PPA2: variants seen among roughly 807,000 people sequenced by gnomAD.
PPA2 encodes the protein inorganic pyrophosphatase 2, mitochondrial.
A neutral mutation model predicts 49.5 loss-of-function variants in PPA2; 48 were observed. The ratio of observed to expected loss-of-function variants is 0.97; its 90% confidence interval spans 0.77 to 1.23. The LOEUF (loss-of-function observed/expected upper bound fraction) is 1.23, where lower values mean the gene tolerates loss of function less well. Ranked by LOEUF, PPA2 falls within the 50% of genes most tolerant of loss-of-function variation. The pLI, the probability that PPA2 is intolerant of heterozygous loss-of-function variation, is 0.00. For missense variants in PPA2, 429 were observed against 410.1 expected, an observed-to-expected ratio of 1.05 and a Z score of -0.40; for synonymous variants, 131 against 139.9, an observed-to-expected ratio of 0.94 and a Z score of 0.45.
intron 5 of PPA2, among the ~76,000 whole-genome samples, chr4:105,444,320 T>G (rs911026929): frequency 2.6e-5 from 4 of 152,102 alleles, no homozygotes; most frequent in African/African-American, 9.7e-5. Context: ...CAGGGTTGAG[T>G]AGCAATGTTA....
intron 7 of PPA2, among the ~76,000 whole-genome samples, chr4:105,416,440 G>A (rs1261826989): frequency 6.6e-6 from 1 of 152,230 alleles, no homozygotes; most frequent in East Asian, 1.9e-4. Flanking sequence ...AAATGAAAAA[G>A]GAGTTTCCAC....
intron 7 of PPA2, among the ~76,000 whole-genome samples, chr4:105,411,325 T>G (rs367981836): frequency 1.3e-5 from 2 of 152,112 alleles, no homozygotes; most frequent in African/African-American, 4.8e-5. Context: ...GGCCATTACA[T>G]AACAGTAAAC....
intron 7 of PPA2, among the ~76,000 whole-genome samples, chr4:105,422,768 G>A (rs76979244): frequency 0.038 from 5,772 of 152,182 alleles, 329 homozygotes; most frequent in African/African-American, 0.12. Flanking sequence ...AGGCACCAGC[G>A]CTTGTTATAT....
intron 3 of PPA2, among the ~76,000 whole-genome samples, chr4:105,453,262 G>T (rs1388002830): frequency 6.6e-6 from 1 of 152,222 alleles, no homozygotes; most frequent in Non-Finnish European, 1.5e-5. Flanking sequence ...GAAATGAGAA[G>T]TTGCTCAACG....
chr4:105,378,242 A>G (rs988900635), intron 10 of PPA2, among the ~76,000 whole-genome samples: 1 of 152,140 alleles, frequency 6.6e-6, no homozygotes, highest in Non-Finnish European at 1.5e-5. Flanking sequence ...AGACATCCTA[A>G]AAGTGTGTAT....
At chr4:105,447,559 T>C (rs1722451918) in intron 4 of PPA2, among the ~76,000 whole-genome samples, 1 of 152,218 alleles carries the variant, frequency 6.6e-6, no homozygotes, top group African/African-American at 2.4e-5. Flanking sequence ...AAGTATTTGA[T>C]GTGACAGATA....
intron 10 of PPA2, among the ~76,000 whole-genome samples, chr4:105,379,774 C>T (rs1295699865): frequency 6.6e-6 from 1 of 151,800 alleles, no homozygotes; most frequent in East Asian, 1.9e-4. Flanking sequence ...GCTGGGATTA[C>T]AGGTGTGCAT....
intron 5 of PPA2, among the ~76,000 whole-genome samples, chr4:105,440,853 T>C (rs1475701729): frequency 2.0e-5 from 3 of 152,190 alleles, no homozygotes; most frequent in Non-Finnish European, 4.4e-5. Flanking sequence ...AGTACCCAAG[T>C]AGAAAATTCT....
intron 9 of PPA2, among the ~76,000 whole-genome samples, chr4:105,394,571 C>T (rs544982030): frequency 2.6e-5 from 4 of 151,888 alleles, no homozygotes; most frequent in Non-Finnish European, 2.9e-5. Context: ...TCACTCAGAA[C>T]GTGGAACATA....
chr4:105,435,870 G>A (rs1333266058), intron 6 of PPA2, among the ~76,000 whole-genome samples: 4 of 152,062 alleles, frequency 2.6e-5, no homozygotes, highest in Admixed American at 1.3e-4. Flanking sequence ...TGAAAAAGTT[G>A]AAAGCATTCC....
At chr4:105,470,229 T>G (rs6855838) in intron 1 of PPA2, among the ~76,000 whole-genome samples, 1 of 152,244 alleles carries the variant, frequency 6.6e-6, no homozygotes, top group Non-Finnish European at 1.5e-5. Context: ...AAAGGAATAC[T>G]GGCATGCAGC....
chr4:105,446,647 A>G (rs1722397904), intron 4 of PPA2, 145 bp from the exon 5 acceptor site: 2 of 1,026,186 alleles, frequency 1.9e-6, no homozygotes, highest in South Asian at 3.4e-5. Flanking sequence ...AAAGAAATTA[A>G]GCCAGCTCTT....
intron 2 of PPA2, among the ~76,000 whole-genome samples, chr4:105,455,003 AC>A (rs1722823610): frequency 6.6e-6 from 1 of 152,050 alleles, no homozygotes; most frequent in African/African-American, 2.4e-5. Flanking sequence ...AACACTACCC[AC>A]CAGTCACATT....
At chr4:105,425,375 C>G (rs1016085100) in intron 6 of PPA2, among the ~76,000 whole-genome samples, 1 of 149,974 alleles carries the variant, frequency 6.7e-6, no homozygotes, top group African/African-American at 2.5e-5. Flanking sequence ...AAATAGAAAA[C>G]AAAAAAAACC....
chr4:105,445,765 T>A (rs1417727906), intron 5 of PPA2, among the ~76,000 whole-genome samples: 3 of 152,054 alleles, frequency 2.0e-5, no homozygotes, highest in Admixed American at 2.0e-4. Context: ...AAGAGTTACC[T>A]CTTCCTGGGA....
At chr4:105,419,551 A>T (rs1391958954) in intron 7 of PPA2, among the ~76,000 whole-genome samples, 1 of 152,242 alleles carries the variant, frequency 6.6e-6, no homozygotes, top group Non-Finnish European at 1.5e-5. Flanking sequence ...AGAAGACTTA[A>T]AACAGTAATG....
intron 6 of PPA2, among the ~76,000 whole-genome samples, chr4:105,437,134 C>G (rs543584255): frequency 6.6e-6 from 1 of 151,938 alleles, no homozygotes; most frequent in Non-Finnish European, 1.5e-5. Flanking sequence ...GCAAAGGCCA[C>G]GAACCAACAT....
intron 1 of PPA2, among the ~76,000 whole-genome samples, chr4:105,463,397 T>A (rs1301273988): frequency 3.3e-5 from 5 of 152,136 alleles, no homozygotes; most frequent in African/African-American, 1.2e-4. Flanking sequence ...ATTCAATAGG[T>A]GACTTGGGTG....
At chr4:105,407,568 C>A (rs183438815) in intron 7 of PPA2, among the ~76,000 whole-genome samples, 11 of 152,210 alleles carry the variant, frequency 7.2e-5, no homozygotes, top group Admixed American at 7.2e-4. Context: ...TTCACATTAG[C>A]TGAAAACTGG....
Sources: allele counts gnomAD v4.1 joint callset (sites outside exome capture counted in the v4.1 genomes callset), GRCh38; gene constraint gnomAD v4.1.1; transcripts MANE v1.5; gene names NCBI Gene and HGNC (gene_info 2026-07-23, HGNC 2026-07-21).